The following SLIT3 variants were observed in gnomAD, a reference collection of about 807,000 sequenced individuals.
SLIT3 encodes the protein slit guidance ligand 3.
SLIT3 carries 68 observed loss-of-function variants against 184.0 expected under a neutral mutation model. The observed-to-expected ratio is 0.37, with a 90% CI of 0.30 to 0.45. The LOEUF is 0.45. SLIT3 is among the 20% of genes least tolerant of loss of function. The pLI is 1.00. For synonymous variants in SLIT3, 831 were observed against 828.6 expected (o/e 1.00, Z -0.05); for missense variants, 1,707 against 2,026.0 (o/e 0.84, Z 3.02).
chr5:168,979,871 C>T (rs556863178), intron 4 of SLIT3, among the ~76,000 whole-genome samples: 27 of 152,316 alleles, frequency 1.8e-4, no homozygotes, highest in African/African-American at 6.0e-4. Flanking sequence ...TCAACCAAAA[C>T]AGATGAAAGG....
intron 4 of SLIT3, among the ~76,000 whole-genome samples, chr5:168,909,777 G>A (rs1010929027): frequency 5.9e-5 from 9 of 152,148 alleles, no homozygotes; most frequent in African/African-American, 2.2e-4. Context: ...GCAAACCTGG[G>A]TTTCTGGTCT....
intron 20 of SLIT3, among the ~76,000 whole-genome samples, chr5:168,737,143 A>G (rs1055449715): frequency 2.0e-5 from 3 of 152,068 alleles, no homozygotes; most frequent in African/African-American, 7.2e-5. Flanking sequence ...TTCCCAGAGC[A>G]CATATTGCCT....
At position 168,789,565 on chromosome 5, in the gene SLIT3, T is replaced by C. The variant is rs1404652528; in HGVS notation, c.1074A>G (p.Thr358=). 6.2e-7 allele frequency: 1 copy of C among 1,612,882 alleles called. No homozygotes were observed. Residue 358 remains threonine, a synonymous_variant, in exon 11 of 36, where the codon ACA becomes ACG. Transcript: ENST00000519560. ...CCAACTCGGGCCCCACTTACAGCGA[T>C]GTGAGTGATTTCAGGCCCTGGAAGG... The part of the protein sequence containing the change: ...PDAFQGLKSL[T]SLVLYGNKIT...
At chr5:169,241,653 C>T (rs1765407681) in intron 3 of SLIT3, among the ~76,000 whole-genome samples, 1 of 152,166 alleles carries the variant, frequency 6.6e-6, no homozygotes, top group South Asian at 2.1e-4. Flanking sequence ...TCATGCCTCG[C>T]TCAAGTCTGT....
chr5:168,690,508 C>A (rs1269716024), intron 29 of SLIT3, among the ~76,000 whole-genome samples: 2 of 152,200 alleles, frequency 1.3e-5, no homozygotes, highest in African/African-American at 4.8e-5. Context: ...CTGGCCTGCT[C>A]TGCTTTGAGT....
intron 1 of SLIT3, among the ~76,000 whole-genome samples, chr5:169,284,991 G>T (rs576902999): frequency 1.3e-5 from 2 of 151,992 alleles, no homozygotes; most frequent in Non-Finnish European, 2.9e-5. Flanking sequence ...GCTCACTGCA[G>T]ATTGACCTCC....
chr5:169,229,834 T>G (rs1415762939), intron 3 of SLIT3, among the ~76,000 whole-genome samples: 5 of 152,094 alleles, frequency 3.3e-5, no homozygotes, highest in Non-Finnish European at 5.9e-5. Flanking sequence ...TGCATTTAAC[T>G]TGTAAGTGAA....
At chr5:169,285,698 A>G (rs1486019131) in intron 1 of SLIT3, among the ~76,000 whole-genome samples, 3 of 152,182 alleles carry the variant, frequency 2.0e-5, no homozygotes, top group Non-Finnish European at 4.4e-5. Flanking sequence ...AGAGGCCACC[A>G]TGTTGTGAGG....
intron 4 of SLIT3, among the ~76,000 whole-genome samples, chr5:169,142,074 AAAATAAAAATAAATAAAT>A (rs777432188): frequency 0.016 from 2,111 of 135,378 alleles, 44 homozygotes; most frequent in African/African-American, 0.055. Flanking sequence ...AATAAAAATA[AAAATAAAAATAAATAAAT>A]AAATAAATAA....
chr5:169,249,880 A>C (rs1339496505), intron 2 of SLIT3, among the ~76,000 whole-genome samples: 1 of 152,274 alleles, frequency 6.6e-6, no homozygotes, highest in African/African-American at 2.4e-5. Flanking sequence ...CCAAAGACGG[A>C]GAACATGTCG....
chr5:168,765,990 G>A (rs1755332019), intron 14 of SLIT3, among the ~76,000 whole-genome samples: 1 of 152,212 alleles, frequency 6.6e-6, no homozygotes, highest in Admixed American at 6.5e-5. Flanking sequence ...CTGTCCTACA[G>A]CCACTTCCCA....
Position 169,137,333 on chromosome 5 carries a change from C to CAGAGAGAGAGAGAGAG in SLIT3, c.413+56145_413+56146insCTCTCTCTCTCTCTCT, listed in dbSNP as rs1324720274. ...ACACACACACACACACACACACACA[C>CAGAGAGAGAGAGAGAG]ACAGAGAGAGAGAGAGAGAGAGAAA... On this transcript the variant is annotated intron_variant, in intron 4 of 35. Transcript: ENST00000519560. Among the ~76,000 whole-genome samples the CAGAGAGAGAGAGAGAG allele has an allele frequency of 2.5e-4, 32 of 129,454 alleles. 1 individual carries two copies. In the South Asian group the frequency reaches 6.6e-3, roughly 27 times the overall value. 84.9% of individuals were successfully genotyped at this position (129,454 alleles called of 152,430 possible).
chr5:169,275,459 T>C (rs778774339), intron 1 of SLIT3, among the ~76,000 whole-genome samples: 1 of 152,220 alleles, frequency 6.6e-6, no homozygotes, highest in Non-Finnish European at 1.5e-5. Flanking sequence ...TTTGTCCTGA[T>C]GTCGCTGTGT....
intron 4 of SLIT3, among the ~76,000 whole-genome samples, chr5:168,886,724 C>G (rs1166882278): frequency 6.6e-6 from 1 of 152,004 alleles, no homozygotes; most frequent in East Asian, 1.9e-4. Context: ...AGGAAGATGG[C>G]TGGTGGGAAA....
chr5:169,155,737 C>T (rs73315661), intron 4 of SLIT3, among the ~76,000 whole-genome samples: 7,747 of 152,238 alleles, frequency 0.051, 647 homozygotes, highest in African/African-American at 0.17. Context: ...CCCTCCAATT[C>T]TCCAAGTGAC....
intron 3 of SLIT3, among the ~76,000 whole-genome samples, chr5:169,226,282 CAG>C (rs1408281153): frequency 2.0e-5 from 3 of 152,056 alleles, no homozygotes; most frequent in African/African-American, 4.8e-5. Flanking sequence ...GCTTCTGGGT[CAG>C]AGAGTCTCCT....
chr5:169,219,902 T>G (rs1404408073), intron 3 of SLIT3, among the ~76,000 whole-genome samples: 1 of 152,186 alleles, frequency 6.6e-6, no homozygotes, highest in Non-Finnish European at 1.5e-5. Context: ...TCGAAAAGTC[T>G]CCAGTGGGCA....
chr5:168,698,946 G>A (rs1220503885), intron 27 of SLIT3, among the ~76,000 whole-genome samples: 1 of 152,230 alleles, frequency 6.6e-6, no homozygotes, highest in Non-Finnish European at 1.5e-5. Context: ...ACCTCCAGCT[G>A]AGATGGGAGA....
At chr5:168,784,889 GCACACACA>G (rs1180456011) in intron 12 of SLIT3, among the ~76,000 whole-genome samples, 5 of 141,240 alleles carry the variant, frequency 3.5e-5, no homozygotes, top group African/African-American at 1.3e-4. Flanking sequence ...ACACACACAC[GCACACACA>G]CACCTGCACA....
Sources: allele counts gnomAD v4.1 joint callset (sites outside exome capture counted in the v4.1 genomes callset), GRCh38; gene constraint gnomAD v4.1.1; transcripts MANE v1.5; gene names NCBI Gene and HGNC (gene_info 2026-07-23, HGNC 2026-07-21).